The following ZNF254 variants were observed in gnomAD, a reference collection of about 807,000 sequenced individuals.
ZNF254 encodes the protein zinc finger protein 254.
ZNF254 carries 10 observed loss-of-function variants against 12.4 expected under a neutral mutation model. The ratio of observed to expected loss-of-function variants is 0.80; its 90% confidence interval spans 0.50 to 1.36. The LOEUF is 1.36. Among genes scored for constraint, ZNF254 ranks in the 40% most tolerant of loss-of-function variants. ZNF254 has a pLI of 0.00. For synonymous variants in ZNF254, 305 were observed against 253.4 expected (o/e 1.20, Z -1.93); for missense variants, 996 against 763.9 (o/e 1.30, Z -3.58).
chr19:24,111,533 C>T (rs1332511312), intron 3 of ZNF254, among the ~76,000 whole-genome samples: 1 of 152,244 alleles, frequency 6.6e-6, no homozygotes, highest in Admixed American at 6.5e-5. Flanking sequence ...GCCACACTGA[C>T]TTCCACAATG....
intron 2 of ZNF254, among the ~76,000 whole-genome samples, chr19:24,067,472 C>T (rs1190031798): frequency 6.6e-6 from 1 of 151,778 alleles, no homozygotes; most frequent in Non-Finnish European, 1.5e-5. Context: ...TCTGATGTGA[C>T]TCTCCTCTCA....
At position 24,123,623 on chromosome 19, in the gene ZNF254, CACAT is replaced by C. The variant is rs546469191; in HGVS notation, c.254-2627_254-2624del. Among the ~76,000 whole-genome samples, 24 of 152,116 alleles carry C rather than the reference CACAT, an allele frequency of 1.6e-4. No homozygotes were observed. In the South Asian group the frequency reaches 4.2e-3, roughly 26 times the overall value. Reference sequence around the variant, plus strand: ...ACACACACCTGCGTGCGTGCACAAACACATACACACACACACACAAATATACACA... The same window carrying C: ...ACACACACCTGCGTGCGTGCACAAACACACACACACACACAAATATACACA... On this transcript the variant is annotated intron_variant, in intron 3 of 3. Transcript: ENST00000357002.
Position 24,129,543 on chromosome 19 carries a change from T to G in ZNF254, c.*1563T>G, listed in dbSNP as rs1398932956. 1 of 151,974 alleles carries G rather than the reference T, an allele frequency of 6.6e-6. No homozygotes were observed. The highest frequency in any genetic ancestry group is 2.4e-5 in the African/African-American group (1 of 41,428). 9.4% of individuals were successfully genotyped at this position (151,974 alleles called of 1,614,324 possible). ...CTATGGGTTAAATTTTTATTCTTAT[T>G]TTCACATTTAAATTTATTTTTCTTA... On this transcript the variant is annotated 3_prime_UTR_variant, in exon 4 of 4. Transcript: ENST00000357002.
At chr19:24,101,224 C>T (rs1283316928) in intron 1 of ZNF254, among the ~76,000 whole-genome samples, 2 of 152,108 alleles carry the variant, frequency 1.3e-5, no homozygotes. Flanking sequence ...TGATTGTACT[C>T]TACTTGCTGT....
intron 2 of ZNF254, among the ~76,000 whole-genome samples, chr19:24,074,740 C>T (rs562345347): frequency 6.6e-6 from 1 of 152,236 alleles, no homozygotes; most frequent in Admixed American, 6.5e-5. Context: ...TGTGACTCTT[C>T]TCATGCTTTG....
intron 2 of ZNF254, among the ~76,000 whole-genome samples, chr19:24,074,317 G>A (rs1339360151): frequency 6.6e-6 from 1 of 152,144 alleles, no homozygotes; most frequent in Non-Finnish European, 1.5e-5. Flanking sequence ...TTCTAAGTAG[G>A]TTCTGCTCTC....
At chr19:24,094,425 T>A (rs1393111174) in intron 1 of ZNF254, among the ~76,000 whole-genome samples, 1 of 151,982 alleles carries the variant, frequency 6.6e-6, no homozygotes, top group Non-Finnish European at 1.5e-5. Flanking sequence ...TGCGCCTGGT[T>A]AATTTTTGTA....
At chr19:24,114,054 C>T (rs941987905) in intron 3 of ZNF254, among the ~76,000 whole-genome samples, 1 of 151,576 alleles carries the variant, frequency 6.6e-6, no homozygotes, top group Non-Finnish European at 1.5e-5. Context: ...AAGAACATTC[C>T]ATGCTCATGG....
chr19:24,091,704 G>T lies in ZNF254; in HGVS notation c.30+4367G>T, dbSNP rs374002430. The stretch of plus-strand genomic sequence containing the variant: ...GATGGGGTTTCACCATGTTGGCCAG[G>T]CTGGTCTCGAACTCCTGACCTCAAG... On this transcript the variant is annotated intron_variant, in intron 1 of 3. Coordinates refer to ENST00000357002, the MANE Select transcript of ZNF254 (RefSeq NM_203282.4). 1.2e-4 allele frequency among the ~76,000 whole-genome samples: 18 copies of T among 152,030 alleles called. No homozygotes were observed. The East Asian group carries it at 3.5e-3, about 30-fold the overall frequency.
At chr19:24,113,923 C>T (rs891135782) in intron 3 of ZNF254, among the ~76,000 whole-genome samples, 3 of 152,142 alleles carry the variant, frequency 2.0e-5, no homozygotes, top group Admixed American at 2.0e-4. Flanking sequence ...AACTCCCATT[C>T]ATAATTGCTT....
At chr19:24,034,013 G>A (rs1969863338) in intron 1 of ZNF254, among the ~76,000 whole-genome samples, 1 of 152,220 alleles carries the variant, frequency 6.6e-6, no homozygotes, top group Admixed American at 6.5e-5. Context: ...CGCCCAGGCT[G>A]GAGTGCAGTG....
chr19:24,088,573 G>GACAT (rs1972170712), intron 1 of ZNF254, among the ~76,000 whole-genome samples: 1 of 152,092 alleles, frequency 6.6e-6, no homozygotes, highest in Non-Finnish European at 1.5e-5. Flanking sequence ...AAATGCCAAT[G>GACAT]TCCCCTCCCT....
At position 24,126,904 on chromosome 19, in the gene ZNF254, G is replaced by A. The variant is rs748906858; in HGVS notation, c.904G>A (p.Ala302Thr). Residue 302 changes from alanine (A) to threonine (T), a missense_variant, in exon 4 of 4, where the codon GCA (alanine) becomes ACA (threonine). Physicochemically the swap from Ala to Thr is moderately conservative, Grantham distance 58 (BLOSUM62 0). Transcript: ENST00000357002. ...KPYKCEECGK[A>T]FIWSSTLTEH... The stretch of plus-strand genomic sequence containing the variant: ...TTACAAGTGTGAAGAATGTGGCAAA[G>A]CATTTATCTGGTCCTCAACCCTTAC... 6.2e-6 allele frequency: 10 copies of A among 1,613,388 alleles called. No homozygotes were observed. Among genetic ancestry groups the A allele is most frequent in the Non-Finnish European group, 8.5e-6 (10 of 1,179,708 alleles).
At chr19:24,110,401 CA>C (rs1417475459) in intron 3 of ZNF254, among the ~76,000 whole-genome samples, 1 of 151,630 alleles carries the variant, frequency 6.6e-6, no homozygotes, top group African/African-American at 2.4e-5. Context: ...TCTCTACAAA[CA>C]TTTTTTTTCT....
Position 24,087,279 on chromosome 19 carries a change from C to A in ZNF254, c.-29C>A, listed in dbSNP as rs774810257. The stretch of plus-strand genomic sequence containing the variant: ...AGGCCCAGCCTCTGTGGCGCTGTTA[C>A]CAGCAGGTATTGGAGATCCACAGCT... On this transcript the variant is annotated 5_prime_UTR_variant, in exon 1 of 4. Transcript: ENST00000357002. 6.2e-7 allele frequency: 1 copy of A among 1,612,936 alleles called. No homozygotes were observed. Among genetic ancestry groups the A allele is most frequent in the African/African-American group, 1.3e-5 (1 of 74,902 alleles).
intron 1 of ZNF254, among the ~76,000 whole-genome samples, chr19:24,035,163 G>T (rs540069259): frequency 2.0e-5 from 3 of 152,022 alleles, no homozygotes; most frequent in East Asian, 2.0e-4. Context: ...TGGTTTTTTT[G>T]TTGTTGTTTG....
At chr19:24,078,629 T>C (rs1971743555) in intron 2 of ZNF254, 1 of 152,158 alleles carries the variant, frequency 6.6e-6, no homozygotes, top group African/African-American at 2.4e-5. Flanking sequence ...GACTGAGGGC[T>C]GGCCTGGAAC....
intron 2 of ZNF254, chr19:24,066,302 ACTCT>A (rs1971267676): frequency 6.6e-6 from 1 of 152,052 alleles, no homozygotes; most frequent in Middle Eastern, 3.4e-3. Context: ...AGATGATGTG[ACTCT>A]CTTCTTCTGT....
chr19:24,072,446 A>T (rs1257993489), intron 2 of ZNF254, among the ~76,000 whole-genome samples: 1 of 152,158 alleles, frequency 6.6e-6, no homozygotes. Flanking sequence ...TGCTGATATT[A>T]CAGGTGTGAG....
Sources: gnomAD v4.1 joint callset for allele counts (sites outside exome capture counted in the v4.1 genomes callset) on GRCh38, gnomAD v4.1.1 for gene constraint, MANE v1.5 for transcripts, NCBI Gene and HGNC (gene_info 2026-07-23, HGNC 2026-07-21) for gene names.